ITIH5: variants seen among roughly 807,000 people sequenced by gnomAD.
ITIH5 encodes inter-alpha-trypsin inhibitor heavy chain H5.
ITIH5 carries 65 observed loss-of-function variants against 77.5 expected under a neutral mutation model. The observed-to-expected ratio is 0.84, with a 90% confidence interval of 0.69 to 1.03. ITIH5 has a LOEUF of 1.03. Among genes scored for constraint, ITIH5 ranks in the 50% least tolerant of loss-of-function variants. ITIH5 has a pLI of 0.00. For synonymous variants in ITIH5, 525 were observed against 494.3 expected (o/e 1.06, Z -0.82); for missense variants, 1,208 against 1,213.1 (o/e 1.00, Z 0.06).
intron 5 of ITIH5, among the ~76,000 whole-genome samples, chr10:7,636,910 G>A (rs1210144850): frequency 6.6e-6 from 1 of 152,172 alleles, no homozygotes; most frequent in Non-Finnish European, 1.5e-5. Context: ...AATTAGCCGG[G>A]TGTGGTGGCA....
intron 9 of ITIH5, among the ~76,000 whole-genome samples, chr10:7,577,906 G>A (rs142241317): frequency 1.3e-5 from 2 of 152,078 alleles, no homozygotes; most frequent in Admixed American, 6.6e-5. Flanking sequence ...ATTGAGCTCC[G>A]GCCATCCAGC....
chr10:7,647,925 G>C (rs1887331), intron 2 of ITIH5, among the ~76,000 whole-genome samples: 41,325 of 151,716 alleles, frequency 0.27, 6,322 homozygotes, highest in African/African-American at 0.41. Context: ...CCAAAGCCTC[G>C]ATTTCCAATC....
In ITIH5 at chr10:7,566,739, A is replaced by G. The variant is rs868194378; in HGVS notation, c.2150-332T>C. On this transcript the variant is annotated intron_variant, in intron 12 of 13. Coordinates refer to ENST00000397146, the MANE Select transcript of ITIH5 (RefSeq NM_030569.7). ...CCTATCTCATTAAAAAAAAAAAAAA[A>G]AAGAAGAAGAAGAAGAAGAAGAAGA... is the stretch of plus-strand genomic sequence containing the variant. 9.9e-3 allele frequency among the ~76,000 whole-genome samples: 294 copies of G among 29,592 alleles called. 26 individuals carry two copies. The highest frequency in any genetic ancestry group is 0.026 in the African/African-American group (200 of 7,584). The allele number at this position is 29,592 out of a possible 152,430, so 19.4% of individuals were successfully genotyped here. A position where few individuals can be genotyped will look rare whatever the true frequency, so the allele number is the denominator to read the frequency against.
intron 1 of ITIH5, among the ~76,000 whole-genome samples, chr10:7,666,015 C>A (rs1437712974): frequency 1.3e-5 from 2 of 152,218 alleles, no homozygotes; most frequent in Non-Finnish European, 2.9e-5. Flanking sequence ...TCCCACCGTG[C>A]ACAAACACGC....
chr10:7,608,545 A>G (rs1012413428), intron 7 of ITIH5, among the ~76,000 whole-genome samples: 10 of 152,144 alleles, frequency 6.6e-5, no homozygotes, highest in African/African-American at 1.4e-4. Context: ...GGCCTCTCAA[A>G]GTGCTGGGAT....
At chr10:7,575,493 A>C in intron 10 of ITIH5, among the ~76,000 whole-genome samples, 1 of 152,180 alleles carries the variant, frequency 6.6e-6, no homozygotes, top group South Asian at 2.1e-4. Context: ...CCCAGTAAAA[A>C]TGTGATGCAT....
intron 1 of ITIH5, among the ~76,000 whole-genome samples, chr10:7,656,067 A>C (rs898262034): frequency 1.3e-5 from 2 of 152,222 alleles, no homozygotes; most frequent in African/African-American, 2.4e-5. Context: ...AAAGGTATTC[A>C]GTCTTAATTC....
At chr10:7,608,900 C>T (rs1171384846) in intron 7 of ITIH5, among the ~76,000 whole-genome samples, 1 of 152,218 alleles carries the variant, frequency 6.6e-6, no homozygotes. Context: ...CTGGCTGGCA[C>T]CTCTTTGAGT....
At chr10:7,633,144 T>C (rs1238706296) in intron 5 of ITIH5, among the ~76,000 whole-genome samples, 2 of 152,192 alleles carry the variant, frequency 1.3e-5, no homozygotes, top group East Asian at 1.9e-4. Context: ...ATGAGAATAT[T>C]GTAGAGGATA....
At position 7,590,572 on chromosome 10, in the gene ITIH5, C is replaced by T. The variant is rs528101156; in HGVS notation, c.940-4503G>A. 5.4e-4 allele frequency among the ~76,000 whole-genome samples: 82 copies of T among 152,276 alleles called. 2 individuals are homozygous for T. The South Asian group carries it at 0.016, about 30-fold the overall frequency. ...GCTGTAAAGTTTCTCTTTACTGTAA[C>T]GTATCATATACGGTTTTCATGTCAA... is the stretch of plus-strand genomic sequence containing the variant. On this transcript the variant is annotated intron_variant, in intron 7 of 13. Transcript: ENST00000397146.
At chr10:7,632,602 A>T in intron 5 of ITIH5, among the ~76,000 whole-genome samples, 1 of 152,262 alleles carries the variant, frequency 6.6e-6, no homozygotes, top group Non-Finnish European at 1.5e-5. Context: ...TCACTCATAG[A>T]TTTTTAAGTT....
chr10:7,570,961 A>G (rs1588360197), intron 11 of ITIH5, among the ~76,000 whole-genome samples: 2 of 152,134 alleles, frequency 1.3e-5, no homozygotes, highest in East Asian at 3.8e-4. Flanking sequence ...TTCTGTGCAC[A>G]TGGACATGTC....
chr10:7,609,631 A>T (rs747491804), intron 7 of ITIH5: 3 of 367,812 alleles, frequency 8.2e-6, no homozygotes, highest in Non-Finnish European at 1.6e-5. Flanking sequence ...ACAATTACAG[A>T]TAAGAAACAT....
chr10:7,665,790 G>T (rs752572827), intron 1 of ITIH5, among the ~76,000 whole-genome samples: 4 of 152,184 alleles, frequency 2.6e-5, no homozygotes, highest in Admixed American at 6.5e-5. Context: ...TCCAAAGCCT[G>T]CACTTTTCCA....
intron 2 of ITIH5, among the ~76,000 whole-genome samples, chr10:7,646,656 G>A (rs1834014051): frequency 6.6e-6 from 1 of 152,214 alleles, no homozygotes; most frequent in African/African-American, 2.4e-5. Context: ...AGCTGGAATT[G>A]TGAGTTGCTG....
chr10:7,637,750 G>T (rs1302898013), intron 4 of ITIH5, among the ~76,000 whole-genome samples: 4 of 152,216 alleles, frequency 2.6e-5, no homozygotes, highest in African/African-American at 9.7e-5. Flanking sequence ...CAGACCCAAG[G>T]GAGCAATGGG....
chr10:7,637,303 C>T lies in ITIH5; in HGVS notation c.577G>A (p.Glu193Lys). 6.2e-7 allele frequency: 1 copy of T among 1,613,646 alleles called. No individual in the cohort carries two copies. The highest frequency in any genetic ancestry group is 8.5e-7 in the Non-Finnish European group (1 of 1,180,042). The change falls in exon 5 of 14, where the codon GAG (glutamate) becomes AAG (lysine). Residue 193 changes from glutamate to lysine, a missense_variant. Transcript: ENST00000397146. ...TCCAGGGATGCGATGCCCGCGCTCT[C>T]CAGGATATTCACGTCCACGCTCAGC... is the stretch of plus-strand genomic sequence containing the variant. Reference protein sequence around the residue: ...GRLSVDVNILESAGIASLEVL... With the variant: ...GRLSVDVNILKSAGIASLEVL...
chr10:7,577,136 A>G (rs1400453638), intron 9 of ITIH5, 124 bp from the exon 10 acceptor site: 2 of 730,044 alleles, frequency 2.7e-6, no homozygotes, highest in Non-Finnish European at 4.4e-6. Flanking sequence ...ATTGAGTCCA[A>G]CATGGCACCC....
At chr10:7,630,383 C>G (rs1833692868) in intron 5 of ITIH5, among the ~76,000 whole-genome samples, 1 of 152,178 alleles carries the variant, frequency 6.6e-6, no homozygotes, top group Non-Finnish European at 1.5e-5. Flanking sequence ...TCTTAACTTG[C>G]TCGTTTTAAC....
Sources: allele counts gnomAD v4.1 joint callset (sites outside exome capture counted in the v4.1 genomes callset), GRCh38; gene constraint gnomAD v4.1.1; transcripts MANE v1.5; gene names NCBI Gene and HGNC (gene_info 2026-07-23, HGNC 2026-07-21).